Variants in RNASEL observed in about 807,000 individuals in gnomAD.
The protein encoded by RNASEL is ribonuclease L, also known as 2-5A-dependent ribonuclease.
Under a neutral mutation model 50.9 loss-of-function variants are expected in RNASEL, and 36 were observed. That is an observed-to-expected ratio of 0.71 (90% CI 0.54 to 0.93). The LOEUF (loss-of-function observed/expected upper bound fraction) is 0.93, where lower values mean the gene tolerates loss of function less well. Ranked by LOEUF, RNASEL falls within the 40% of genes least tolerant of loss-of-function variation. The pLI, the probability that RNASEL is intolerant of heterozygous loss-of-function variation, is 0.00. For missense variants in RNASEL, 860 were observed against 894.5 expected (o/e 0.96, Z 0.49); for synonymous variants, 335 against 335.6 (o/e 1.00, Z 0.02).
chr1:182,582,365 A>G (rs766949575), intron 3 of RNASEL, 107 bp from the exon 4 acceptor site: 1 of 1,309,490 alleles, frequency 7.6e-7, no homozygotes, highest in Non-Finnish European at 1.1e-6. Context: ...AGGAATCTCA[A>G]GGAATTTGTA....
intron 5 of RNASEL, among the ~76,000 whole-genome samples, chr1:182,577,556 C>T (rs1661414156): frequency 6.6e-6 from 1 of 152,024 alleles, no homozygotes; most frequent in African/African-American, 2.4e-5. Flanking sequence ...GATCACCCCG[C>T]CCAAAGCAAT....
chr1:182,585,321 A>T lies in RNASEL; in HGVS notation c.1480+6T>A, dbSNP rs781517341. On this transcript the variant is annotated splice_donor_region_variant and intron_variant, in intron 2 of 6. Coordinates refer to ENST00000367559, the MANE Select transcript of RNASEL (RefSeq NM_021133.4). Reference sequence around the variant, plus strand: ...TCTAAGAGAGAATTGGGGATTGGGGACTCACCTATTAAGATGTTTTGTGGT... The same window carrying T: ...TCTAAGAGAGAATTGGGGATTGGGGTCTCACCTATTAAGATGTTTTGTGGT... 1 of 1,613,578 alleles carries T rather than the reference A, an allele frequency of 6.2e-7. No individual in the cohort carries two copies. Among genetic ancestry groups the T allele is most frequent in the Non-Finnish European group, 8.5e-7 (1 of 1,179,756 alleles).
chr1:182,585,786 A>C lies in RNASEL; in HGVS notation c.1021T>G (p.Ser341Ala). 1.9e-6 allele frequency: 3 copies of C among 1,614,086 alleles called. No individual in the cohort carries two copies. Among genetic ancestry groups the C allele is most frequent in the Non-Finnish European group, 2.5e-6 (3 of 1,180,000 alleles). ...TCCTTCAGGGCTGCCCCCCAGTGTGAGCTCTGAGGCTTCCAGTCTTCAGCA... is the reference window on the plus strand; with the variant it reads ...TCCTTCAGGGCTGCCCCCCAGTGTGCGCTCTGAGGCTTCCAGTCTTCAGCA... ...PPAEDWKPQS[S>A]HWGAALKDLH... is the part of the protein sequence containing the mutation. Residue 341 changes from serine (S) to alanine (A), a missense_variant, in exon 2 of 7, where the codon TCA becomes GCA. By Grantham distance (99) the Ser-to-Ala change is moderately conservative. Coordinates refer to ENST00000367559, the MANE Select transcript of RNASEL (RefSeq NM_021133.4).
intron 5 of RNASEL, chr1:182,577,172 A>G (rs951844603): frequency 1.3e-5 from 2 of 151,626 alleles, no homozygotes; most frequent in Non-Finnish European, 2.9e-5. Context: ...GTGAGCCGCC[A>G]CACCTGGCAA....
At chr1:182,576,465 G>A (rs1179004594) in intron 5 of RNASEL, 76 bp from the exon 6 acceptor site, 3 of 1,127,170 alleles carry the variant, frequency 2.7e-6, no homozygotes, top group East Asian at 2.6e-5. Context: ...ATACCAAAAG[G>A]CAAAATATAA....
Position 182,584,154 on chromosome 1 carries a change from G to A in RNASEL, c.1493C>T (p.Ala498Val), listed in dbSNP as rs563368679. The A allele has an allele frequency of 1.2e-6, 2 of 1,613,714 alleles. No homozygotes were observed. Among genetic ancestry groups the A allele is most frequent in the South Asian group, 2.2e-5 (2 of 91,076 alleles). ...CTTATCAAAATCTGCCAGGTGAGCA[G>A]CTTTCTTAGAATCTAAGGAAAAGTT... ...PQNILIDSKK[A>V]AHLADFDKSI... The change falls in exon 3 of 7, where the codon GCT (alanine) becomes GTT (valine). Residue 498 changes from alanine (A) to valine (V), a missense_variant. Physicochemically the swap from Ala to Val is moderately conservative, Grantham distance 64. Transcript: ENST00000367559.
Position 182,582,060 on chromosome 1 carries a change from A to C in RNASEL, c.1765T>G (p.Trp589Gly). 1 of 1,614,132 alleles carries C rather than the reference A, an allele frequency of 6.2e-7. No homozygotes were observed. The highest frequency in any genetic ancestry group is 8.5e-7 in the Non-Finnish European group (1 of 1,179,996). ...DLLGHPFFWT[W>G]ESRYRTLRNV... ...GCACAAAGTTTTACTTACCTCTCCC[A>C]AGTCCAAAAGAAGGGATGACCCAGC... Residue 589 changes from tryptophan to glycine, a missense_variant, in exon 4 of 7, where the codon TGG becomes GGG. Physicochemically the swap from Trp to Gly is radical, Grantham distance 184 (BLOSUM62 -2). Coordinates refer to ENST00000367559, the MANE Select transcript of RNASEL (RefSeq NM_021133.4).
intron 5 of RNASEL, chr1:182,580,088 C>T: frequency 2.5e-6 from 1 of 401,060 alleles, no homozygotes; most frequent in South Asian, 1.8e-5. Flanking sequence ...AGAACTATGG[C>T]TGCCACATAA....
rs1393142179 is a variant in RNASEL, at chr1:182,585,810, C to T, written c.997G>A (p.Ala333Thr). 7 of 1,613,996 alleles carry T rather than the reference C, an allele frequency of 4.3e-6. No individual in the cohort carries two copies. The highest frequency in any genetic ancestry group is 5.9e-6 in the Non-Finnish European group (7 of 1,179,982). The change falls in exon 2 of 7, where the codon GCT becomes ACT. Residue 333 changes from alanine (A) to threonine (T), a missense_variant. Transcript: ENST00000367559. ...GAGCTCTGAGGCTTCCAGTCTTCAG[C>T]AGGAGGGTGAAAATCTTCTTTGGCT... is the stretch of plus-strand genomic sequence containing the variant. ...HGAKEDFHPP[A>T]EDWKPQSSHW...
In RNASEL at chr1:182,575,528, G is replaced by A; in HGVS notation, c.2090C>T (p.Pro697Leu). Residue 697 changes from proline to leucine, a missense_variant, in exon 7 of 7, where the codon CCA becomes CTA. By Grantham distance (98) the Pro-to-Leu change is moderately conservative. Coordinates refer to ENST00000367559, the MANE Select transcript of RNASEL (RefSeq NM_021133.4). ...TGTGTAGACATAGATCACCAGATCTGGAAATGTCTTCTGAAAATACAGGGA... is the reference window on the plus strand; with the variant it reads ...TGTGTAGACATAGATCACCAGATCTAGAAATGTCTTCTGAAAATACAGGGA... ...DPSLYFQKTF[P>L]DLVIYVYTKL... The A allele has an allele frequency of 6.2e-7, 1 of 1,614,104 alleles. No individual in the cohort carries two copies. Among genetic ancestry groups the A allele is most frequent in the Non-Finnish European group, 8.5e-7 (1 of 1,180,002 alleles).
chr1:182,581,469 C>CTTTATT, intron 4 of RNASEL, 112 bp from the exon 5 acceptor site: 1 of 319,232 alleles, frequency 3.1e-6, no homozygotes, highest in Non-Finnish European at 5.4e-6. Context: ...CTTGGTTTTT[C>CTTTATT]TTTCTTTTTT....
At chr1:182,582,602 C>T (rs959688074) in intron 3 of RNASEL, among the ~76,000 whole-genome samples, 10 of 152,142 alleles carry the variant, frequency 6.6e-5, no homozygotes, top group Non-Finnish European at 1.5e-4. Context: ...GAACTGACAG[C>T]CTGGCTGGAA....
intron 4 of RNASEL, 116 bp from the exon 5 acceptor site, chr1:182,581,473 C>CTTTCTT (rs1661495379): frequency 4.6e-6 from 1 of 219,280 alleles, no homozygotes; most frequent in Non-Finnish European, 7.7e-6. Context: ...GTTTTTCTTT[C>CTTTCTT]TTTTTTTTTT....
At chr1:182,583,755 T>G (rs1661541815) in intron 3 of RNASEL, among the ~76,000 whole-genome samples, 1 of 152,156 alleles carries the variant, frequency 6.6e-6, no homozygotes, top group Non-Finnish European at 1.5e-5. Flanking sequence ...TCCAAGTTCT[T>G]CAGCTTATGG....
Position 182,586,725 on chromosome 1 carries a change from A to C in RNASEL, c.82T>G (p.Leu28Val), listed in dbSNP as rs1394861286. ...TCGTTTTGAACAGCTTTAATCAGCA[A>C]GTGATTGTCTTCCACTGCAGCCCTT... ...GRRAAVEDNH[L>V]LIKAVQNEDV... Residue 28 changes from leucine (L) to valine (V), a missense_variant, in exon 2 of 7, where the codon TTG (leucine) becomes GTG (valine). By Grantham distance (32) the Leu-to-Val change is conservative (BLOSUM62 1). Transcript: ENST00000367559. The C allele has an allele frequency of 6.2e-7, 1 of 1,614,232 alleles. No homozygotes were observed. The highest frequency in any genetic ancestry group is 2.2e-5 in the East Asian group (1 of 44,888).
intron 5 of RNASEL, among the ~76,000 whole-genome samples, chr1:182,580,934 G>A (rs1344429810): frequency 6.6e-6 from 1 of 152,168 alleles, no homozygotes; most frequent in African/African-American, 2.4e-5. Flanking sequence ...TATCAGCTAA[G>A]TGAGGGAAAG....
At chr1:182,589,082 TG>T (rs1258904368) in intron 1 of RNASEL, 84 bp downstream of exon 1, 1 of 152,288 alleles carries the variant, frequency 6.6e-6, no homozygotes, top group Non-Finnish European at 1.5e-5. Flanking sequence ...CTCCAGCCCC[TG>T]GCCTCTCCAG....
chr1:182,585,226 C>A, intron 2 of RNASEL, 101 bp downstream of exon 2: 1 of 1,118,494 alleles, frequency 8.9e-7, no homozygotes, highest in South Asian at 1.5e-5. Flanking sequence ...TTGAATCATC[C>A]ACATTTACTC....
At chr1:182,578,119 A>G (rs1215474935) in intron 5 of RNASEL, 1 of 152,216 alleles carries the variant, frequency 6.6e-6, no homozygotes, top group Non-Finnish European at 1.5e-5. Flanking sequence ...AGCAATGAAA[A>G]TAAAGAAACA....
Sources: gnomAD v4.1 joint callset for allele counts (sites outside exome capture counted in the v4.1 genomes callset) on GRCh38, gnomAD v4.1.1 for gene constraint, MANE v1.5 for transcripts, NCBI Gene and HGNC (gene_info 2026-07-23, HGNC 2026-07-21) for gene names.